NCOA3: variants seen among roughly 807,000 people sequenced by gnomAD.
NCOA3 encodes the protein nuclear receptor coactivator 3, also known as CBP-interacting protein.
In NCOA3, 51 loss-of-function variants were observed where a neutral mutation model predicts 158.8. That is an observed-to-expected ratio of 0.32 (90% CI 0.26 to 0.41). NCOA3 has a LOEUF of 0.41. Ranked by LOEUF, NCOA3 falls within the 10% of genes least tolerant of loss-of-function variation. NCOA3 has a pLI of 1.00. For missense variants in NCOA3, 1,510 were observed against 1,746.6 expected (o/e 0.86, Z 2.41); for synonymous variants, 537 against 592.4 (o/e 0.91, Z 1.36).
chr20:47,537,175 C>G (rs1414432684), intron 1 of NCOA3, among the ~76,000 whole-genome samples: 1 of 152,140 alleles, frequency 6.6e-6, no homozygotes, highest in Non-Finnish European at 1.5e-5. Flanking sequence ...GATATGCTAT[C>G]TATCCATATA....
At chr20:47,575,503 A>G (rs371187427) in intron 1 of NCOA3, among the ~76,000 whole-genome samples, 5 of 152,336 alleles carry the variant, frequency 3.3e-5, no homozygotes, top group African/African-American at 1.2e-4. Flanking sequence ...TTTATTTACT[A>G]TCTTAACTGA....
chr20:47,565,749 T>TG (rs1174802478), intron 1 of NCOA3, among the ~76,000 whole-genome samples: 5 of 151,606 alleles, frequency 3.3e-5, no homozygotes, highest in African/African-American at 1.2e-4. Context: ...AGGAGGGAGG[T>TG]GGGGTAACAT....
At chr20:47,537,371 G>A (rs2084651245) in intron 1 of NCOA3, among the ~76,000 whole-genome samples, 1 of 150,006 alleles carries the variant, frequency 6.7e-6, no homozygotes, top group Non-Finnish European at 1.5e-5. Flanking sequence ...ACCTCTTAAT[G>A]GAGTGTTTTT....
intron 2 of NCOA3, among the ~76,000 whole-genome samples, chr20:47,620,693 G>A (rs990571130): frequency 6.6e-6 from 1 of 152,092 alleles, no homozygotes; most frequent in African/African-American, 2.4e-5. Context: ...ATTATACTAA[G>A]AATATTGGTC....
intron 2 of NCOA3, among the ~76,000 whole-genome samples, chr20:47,603,839 G>T (rs890936632): frequency 6.6e-6 from 1 of 152,108 alleles, no homozygotes; most frequent in Admixed American, 6.5e-5. Context: ...TTGTGGAGCC[G>T]GGGGCTTGGG....
chr20:47,540,573 CA>C (rs3091666), intron 1 of NCOA3, among the ~76,000 whole-genome samples: 128,120 of 139,380 alleles, frequency 0.92, 58,752 homozygotes, highest in East Asian at 0.99. Flanking sequence ...ACTCTTGTCT[CA>C]AAAAAAAAAA....
intron 2 of NCOA3, among the ~76,000 whole-genome samples, chr20:47,600,172 TTTTTTA>T (rs1418557083): frequency 3.1e-4 from 37 of 119,820 alleles, no homozygotes; most frequent in Admixed American, 2.9e-3. Context: ...ATATATATAT[TTTTTTA>T]TTTTTATTTT....
intron 1 of NCOA3, among the ~76,000 whole-genome samples, chr20:47,511,558 T>TATATATACACACACACATACA (rs1569310957): frequency 6.3e-5 from 2 of 31,918 alleles, no homozygotes; most frequent in Non-Finnish European, 1.0e-4. Flanking sequence ...TATATATATT[T>TATATATACACACACACATACA]CTTTTTTTTT....
At chr20:47,538,113 C>T (rs1300003044) in intron 1 of NCOA3, among the ~76,000 whole-genome samples, 1 of 150,974 alleles carries the variant, frequency 6.6e-6, no homozygotes, top group Non-Finnish European at 1.5e-5. Context: ...CTCCTGACTT[C>T]AGGTGATCCA....
chr20:47,563,569 T>C (rs964635113), intron 1 of NCOA3, among the ~76,000 whole-genome samples: 2 of 152,180 alleles, frequency 1.3e-5, no homozygotes, highest in East Asian at 1.9e-4. Context: ...TGATGGCTTA[T>C]GCCTGTAATC....
chr20:47,638,819 G>A (rs1244996119), intron 13 of NCOA3, among the ~76,000 whole-genome samples, 189 bp from the exon 14 acceptor site: 1 of 144,360 alleles, frequency 6.9e-6, no homozygotes, highest in Non-Finnish European at 1.5e-5. Context: ...CCCTTTTTTG[G>A]CTGGCAGGGG....
chr20:47,590,016 G>C (rs753802112), intron 2 of NCOA3, among the ~76,000 whole-genome samples: 17 of 149,530 alleles, frequency 1.1e-4, no homozygotes, highest in Non-Finnish European at 2.3e-4. Flanking sequence ...GCCTAGGCTA[G>C]TCTTGAACTC....
intron 1 of NCOA3, among the ~76,000 whole-genome samples, chr20:47,521,703 T>G (rs2084337239): frequency 6.6e-6 from 1 of 152,128 alleles, no homozygotes; most frequent in Non-Finnish European, 1.5e-5. Context: ...ACAGGGAAGT[T>G]AAGTTTAAAA....
Position 47,635,903 on chromosome 20 carries a change from C to T in NCOA3, c.1517C>T (p.Pro506Leu), listed in dbSNP as rs746100705. Residue 506 changes from proline to leucine, a missense_variant, in exon 12 of 23, where the codon CCC becomes CTC. This residue lies in a region of NCOA3 where 1,017 missense variants were observed against 1,098.3 expected (regional missense o/e 0.93). Coordinates refer to ENST00000371998, the MANE Select transcript of NCOA3 (RefSeq NM_181659.3). ...QFSPVAGVHS[P>L]MASSGNTGNH... The stretch of plus-strand genomic sequence containing the variant: ...TTTTCAAATTCAGGTGTGCACTCTC[C>T]CATGGCATCTTCTGGCAATACTGGG... The T allele has an allele frequency of 6.2e-7, 1 of 1,612,902 alleles. No individual in the cohort carries two copies. The highest frequency in any genetic ancestry group is 8.5e-7 in the Non-Finnish European group (1 of 1,179,426).
intron 1 of NCOA3, among the ~76,000 whole-genome samples, chr20:47,541,948 T>C (rs1019219126): frequency 5.9e-5 from 9 of 151,796 alleles, no homozygotes; most frequent in East Asian, 1.9e-4. Context: ...TCTGTTAATA[T>C]AGGTTTTCTC....
At chr20:47,624,691 G>T (rs1458194848) in intron 4 of NCOA3, among the ~76,000 whole-genome samples, 1 of 152,166 alleles carries the variant, frequency 6.6e-6, no homozygotes, top group Non-Finnish European at 1.5e-5. Flanking sequence ...TTGCTCCTTT[G>T]TTTGGGTAGA....
rs1358351056 is a variant in NCOA3, at chr20:47,656,233, A to T, written c.*2816A>T. 6.6e-6 allele frequency: 1 copy of T among 151,932 alleles called. No individual in the cohort carries two copies. Among genetic ancestry groups the T allele is most frequent in the Non-Finnish European group, 1.5e-5 (1 of 67,986 alleles). 9.4% of individuals were successfully genotyped at this position (151,932 alleles called of 1,614,324 possible). On this transcript the variant is annotated 3_prime_UTR_variant, in exon 23 of 23. Coordinates refer to ENST00000371998, the MANE Select transcript of NCOA3 (RefSeq NM_181659.3). ...ATACATGTTTCTTCCTTTAAAAAAT[A>T]AACGGAAGTTACATTGTTAATGTTC...
Position 47,518,967 on chromosome 20 carries a change from C to T in NCOA3, c.-99+16948C>T, listed in dbSNP as rs1477582277. Among the ~76,000 whole-genome samples, 64 of 150,494 alleles carry T rather than the reference C, an allele frequency of 4.3e-4. 1 individual carries two copies. On this transcript the variant is annotated intron_variant, in intron 1 of 22. Transcript: ENST00000371998. ...CCTGGCCAACATGGTGAAACCTCAT[C>T]TCTACTAAAAATACAAAAATTAGGT...
chr20:47,582,658 C>A (rs112351858), intron 1 of NCOA3, among the ~76,000 whole-genome samples: 2 of 152,186 alleles, frequency 1.3e-5, no homozygotes, highest in African/African-American at 4.8e-5. Context: ...TGAGCCACTG[C>A]GCCTGGCCCT....
Sources: gnomAD v4.1 joint callset for allele counts (sites outside exome capture counted in the v4.1 genomes callset) on GRCh38, gnomAD v4.1.1 for gene constraint, gnomAD v4.1.1 regional missense constraint, MANE v1.5 for transcripts, NCBI Gene and HGNC (gene_info 2026-07-23, HGNC 2026-07-21) for gene names.